CEP128: variants seen among roughly 807,000 people sequenced by gnomAD.
CEP128 encodes centrosomal protein 128.
In CEP128, 132 loss-of-function variants were observed where a neutral mutation model predicts 156.7. That is an observed-to-expected ratio of 0.84 (90% CI 0.73 to 0.97). The LOEUF (loss-of-function observed/expected upper bound fraction) is 0.97, where lower values mean the gene tolerates loss of function less well. Ranked by LOEUF, CEP128 falls within the 50% of genes least tolerant of loss-of-function variation. The pLI is 0.00. For synonymous variants in CEP128, 469 were observed against 448.9 expected (o/e 1.04, Z -0.57); for missense variants, 1,252 against 1,281.9 (o/e 0.98, Z 0.36).
chr14:80,748,584 T>C (rs1459887391), intron 18 of CEP128, among the ~76,000 whole-genome samples: 2 of 152,148 alleles, frequency 1.3e-5, no homozygotes, highest in East Asian at 3.9e-4. Flanking sequence ...TTTTGAGATA[T>C]GATACTTCCT....
At chr14:80,612,464 G>T (rs1893031331) in intron 19 of CEP128, among the ~76,000 whole-genome samples, 1 of 152,130 alleles carries the variant, frequency 6.6e-6, no homozygotes, top group South Asian at 2.1e-4. Context: ...GATCTTACCA[G>T]ATCAGAACAT....
At chr14:80,738,410 T>C (rs1193034717) in intron 19 of CEP128, among the ~76,000 whole-genome samples, 2 of 152,168 alleles carry the variant, frequency 1.3e-5, no homozygotes, top group Non-Finnish European at 2.9e-5. Context: ...CTGGGAATGA[T>C]GAAACCAAAG....
At chr14:80,483,664 G>C (rs949655529) in intron 14 of CEP128, among the ~76,000 whole-genome samples, 3 of 152,198 alleles carry the variant, frequency 2.0e-5, no homozygotes, top group Non-Finnish European at 4.4e-5. Flanking sequence ...AGTATAGATG[G>C]AGTTAGCTCA....
intron 20 of CEP128, among the ~76,000 whole-genome samples, chr14:80,562,118 G>T (rs925302680): frequency 1.3e-5 from 2 of 151,730 alleles, no homozygotes; most frequent in African/African-American, 4.8e-5. Context: ...AGTAGAGACG[G>T]GGTTTCACCA....
At chr14:80,954,092 A>C (rs954311356) in intron 2 of CEP128, among the ~76,000 whole-genome samples, 6 of 152,012 alleles carry the variant, frequency 3.9e-5, no homozygotes, top group Non-Finnish European at 8.8e-5. Context: ...ACACAGTGAA[A>C]CCCCGTCTCT....
intron 23 of CEP128, among the ~76,000 whole-genome samples, chr14:80,508,673 T>C (rs1226792076): frequency 6.6e-6 from 1 of 152,234 alleles, no homozygotes; most frequent in African/African-American, 2.4e-5. Context: ...TGATACATTT[T>C]AAGGCTTTTA....
chr14:80,555,355 A>C (rs1199212046), intron 21 of CEP128, among the ~76,000 whole-genome samples: 1 of 152,106 alleles, frequency 6.6e-6, no homozygotes, highest in Non-Finnish European at 1.5e-5. Flanking sequence ...GATAACAAAA[A>C]TGCAAATAAT....
chr14:80,620,767 A>T (rs1402212045), intron 19 of CEP128, among the ~76,000 whole-genome samples: 1 of 152,194 alleles, frequency 6.6e-6, no homozygotes, highest in Non-Finnish European at 1.5e-5. Context: ...TGAGGGTAGA[A>T]ATATTGAGGC....
intron 2 of CEP128, among the ~76,000 whole-genome samples, chr14:80,947,505 T>C (rs72693053): frequency 6.6e-6 from 1 of 152,034 alleles, no homozygotes; most frequent in Non-Finnish European, 1.5e-5. Flanking sequence ...TTTTGCAAAA[T>C]TTATTAAGAT....
At chr14:80,537,009 T>G (rs910486332) in intron 21 of CEP128, among the ~76,000 whole-genome samples, 7 of 152,232 alleles carry the variant, frequency 4.6e-5, no homozygotes, top group African/African-American at 1.4e-4. Context: ...AAAAGAGTTT[T>G]TGTCAACAAC....
At chr14:80,781,462 A>C (rs1901110164) in intron 15 of CEP128, among the ~76,000 whole-genome samples, 1 of 151,688 alleles carries the variant, frequency 6.6e-6, no homozygotes, top group East Asian at 1.9e-4. Context: ...TCTCAAAAAA[A>C]AAAAAAAAAA....
intron 19 of CEP128, among the ~76,000 whole-genome samples, chr14:80,606,367 A>G (rs536039058): frequency 6.6e-6 from 1 of 152,276 alleles, no homozygotes; most frequent in Admixed American, 6.5e-5. Flanking sequence ...AAAATGCAAA[A>G]AATATAGATA....
rs1566624831 is a variant in CEP128 at position 80,785,573 on chromosome 14, G to A, written c.1561-28C>T. The A allele has an allele frequency of 4.0e-6, 6 of 1,511,282 alleles. No homozygotes were observed. In the Admixed American group the frequency reaches 6.9e-5, roughly 17 times the overall value. 93.6% of individuals were successfully genotyped at this position (1,511,282 alleles called of 1,614,324 possible). ...ATCAGGTTAAGAACATGAAGCAAAA[G>A]AAAAAAATAAAAGTTACTGTAAAAT... On this transcript the variant is annotated intron_variant, in intron 14 of 24. Coordinates refer to ENST00000555265, the MANE Select transcript of CEP128 (RefSeq NM_152446.5).
intron 9 of CEP128, among the ~76,000 whole-genome samples, chr14:80,841,448 T>C (rs2140085823): frequency 6.6e-6 from 1 of 152,106 alleles, no homozygotes; most frequent in Non-Finnish European, 1.5e-5. Context: ...TAATTCCTAC[T>C]CTCAAATAGA....
intron 19 of CEP128, among the ~76,000 whole-genome samples, chr14:80,678,297 A>C (rs1304484901): frequency 6.6e-6 from 1 of 151,984 alleles, no homozygotes; most frequent in Non-Finnish European, 1.5e-5. Flanking sequence ...ACCTTAATAT[A>C]AAAGATCATC....
downstream of CEP128, among the ~76,000 whole-genome samples, chr14:80,495,656 T>C (rs1887468242): frequency 6.6e-6 from 1 of 152,120 alleles, no homozygotes; most frequent in South Asian, 2.1e-4. Context: ...TCAGGTCTAA[T>C]TGGTTTGGTG....
In CEP128 at chr14:80,588,314, C is replaced by T. The variant is rs371328372; in HGVS notation, c.2807-7891G>A. ...CAACTGTTTCCTCTGGCAATCCACA[C>T]ACAGACAGTACGTACCCATGTATTT... On this transcript the variant is annotated intron_variant, in intron 19 of 24. Coordinates refer to ENST00000555265, the MANE Select transcript of CEP128 (RefSeq NM_152446.5). Among the ~76,000 whole-genome samples, 35 of 152,186 alleles carry T rather than the reference C, an allele frequency of 2.3e-4. No individual in the cohort carries two copies. The East Asian group carries it at 6.2e-3, about 27-fold the overall frequency.
chr14:80,899,440 AT>A (rs1055069211), intron 7 of CEP128, among the ~76,000 whole-genome samples: 5 of 152,206 alleles, frequency 3.3e-5, no homozygotes, highest in African/African-American at 1.2e-4. Flanking sequence ...AATAACAGCT[AT>A]TGGGGACTAT....
intron 19 of CEP128, among the ~76,000 whole-genome samples, chr14:80,681,948 A>G (rs181112053): frequency 6.6e-6 from 1 of 152,270 alleles, no homozygotes; most frequent in South Asian, 2.1e-4. Flanking sequence ...TATGAAAAAA[A>G]TAAACAAAAA....
Sources: allele counts gnomAD v4.1 joint callset (sites outside exome capture counted in the v4.1 genomes callset), GRCh38; gene constraint gnomAD v4.1.1; transcripts MANE v1.5; gene names NCBI Gene and HGNC (gene_info 2026-07-23, HGNC 2026-07-21).